The following IQGAP2 variants were observed in gnomAD, a reference collection of about 807,000 sequenced individuals.
The protein encoded by IQGAP2 is ras GTPase-activating-like protein IQGAP2.
IQGAP2 carries 173 observed loss-of-function variants against 201.3 expected under a neutral mutation model. The ratio of observed to expected loss-of-function variants is 0.86; its 90% CI spans 0.76 to 0.98. IQGAP2 has a LOEUF of 0.98. Ranked by LOEUF, IQGAP2 falls within the 50% of genes least tolerant of loss-of-function variation. The pLI is 0.00. For synonymous variants in IQGAP2, 675 were observed against 673.9 expected (o/e 1.00, Z -0.03); for missense variants, 1,687 against 1,864.8 (o/e 0.90, Z 1.76).
chr5:76,610,945 C>G, intron 12 of IQGAP2, 75 bp from the exon 13 acceptor site: 4 of 1,269,428 alleles, frequency 3.2e-6, no homozygotes, highest in Non-Finnish European at 4.4e-6. Context: ...GTTAATTAGC[C>G]TTTTGCAATC....
At chr5:76,667,877 CTTTTTTTTTTT>C (rs540744402) in intron 22 of IQGAP2, among the ~76,000 whole-genome samples, 9 of 123,416 alleles carry the variant, frequency 7.3e-5, no homozygotes, top group Non-Finnish European at 1.2e-4. Context: ...AGTCCACTTT[CTTTTTTTTTTT>C]TTTTTTTTTT....
chr5:76,527,430 C>A (rs1469393441), intron 2 of IQGAP2, among the ~76,000 whole-genome samples: 3 of 152,124 alleles, frequency 2.0e-5, no homozygotes, highest in African/African-American at 7.2e-5. Flanking sequence ...CTCAGTGCCC[C>A]CCATAGACCT....
intron 20 of IQGAP2, among the ~76,000 whole-genome samples, chr5:76,657,770 C>G (rs541300819): frequency 2.0e-5 from 3 of 152,276 alleles, no homozygotes; most frequent in South Asian, 2.1e-4. Flanking sequence ...GGGGAAAACC[C>G]TTTTAGAATT....
intron 2 of IQGAP2, among the ~76,000 whole-genome samples, chr5:76,501,705 C>T (rs999862918): frequency 4.6e-5 from 6 of 130,436 alleles, no homozygotes; most frequent in South Asian, 5.1e-4. Flanking sequence ...TGTAATGGCA[C>T]GATCTCGGCT....
At position 76,686,340 on chromosome 5, in the gene IQGAP2, TTTG is replaced by T. The variant is rs900661142; in HGVS notation, c.3905+2450_3905+2452del. Among the ~76,000 whole-genome samples the T allele has an allele frequency of 2.9e-3, 404 of 140,080 alleles. 2 individuals carry two copies. The highest frequency in any genetic ancestry group is 0.01 in the African/African-American group (366 of 35,260). The allele number at this position is 140,080 out of a possible 152,430, so 91.9% of individuals were successfully genotyped here. On this transcript the variant is annotated intron_variant, in intron 30 of 35. Transcript: ENST00000274364. Reference sequence around the variant, plus strand: ...GATGAAGTCCAGTTTATCTGTTTTTTTTGTTGTTGTTGTTGTTGTTGTTGTTGT... The same window carrying T: ...GATGAAGTCCAGTTTATCTGTTTTTTTTGTTGTTGTTGTTGTTGTTGTTGT...
At chr5:76,483,671 C>G (rs762874324) in intron 2 of IQGAP2, among the ~76,000 whole-genome samples, 2 of 152,206 alleles carry the variant, frequency 1.3e-5, no homozygotes, top group African/African-American at 2.4e-5. Context: ...CGGCACCTCT[C>G]CTGAAATAAA....
chr5:76,424,259 A>T (rs926591564), intron 1 of IQGAP2, among the ~76,000 whole-genome samples: 2 of 151,878 alleles, frequency 1.3e-5, no homozygotes, highest in Non-Finnish European at 2.9e-5. Flanking sequence ...CAATTTTAAG[A>T]TTTCTTTTAT....
chr5:76,640,860 A>T (rs1751516023), intron 16 of IQGAP2, 73 bp from the exon 17 acceptor site: 2 of 1,107,614 alleles, frequency 1.8e-6, no homozygotes, highest in Admixed American at 2.5e-5. Context: ...AAAAGATAAA[A>T]TATCAGAAGC....
At chr5:76,592,799 T>C in intron 8 of IQGAP2, 39 bp from the exon 9 acceptor site, 1 of 1,294,240 alleles carries the variant, frequency 7.7e-7, no homozygotes, top group Admixed American at 1.9e-5. Flanking sequence ...GGAAATATTT[T>C]ATTTAACCTC....
chr5:76,512,875 C>CA (rs1182870035), intron 2 of IQGAP2, among the ~76,000 whole-genome samples: 10 of 152,000 alleles, frequency 6.6e-5, no homozygotes, highest in African/African-American at 2.2e-4. Context: ...GCCAACATGG[C>CA]AAAACCCCAT....
chr5:76,436,764 G>A (rs548579511), intron 1 of IQGAP2, among the ~76,000 whole-genome samples: 5 of 150,958 alleles, frequency 3.3e-5, no homozygotes, highest in South Asian at 2.1e-4. Flanking sequence ...TTTTGGCCTC[G>A]TGATCCACCT....
At chr5:76,601,636 A>AG (rs1294061684) in intron 11 of IQGAP2, among the ~76,000 whole-genome samples, 1 of 152,214 alleles carries the variant, frequency 6.6e-6, no homozygotes, top group East Asian at 1.9e-4. Context: ...AAATGAGTGA[A>AG]TCTTGGATTC....
intron 28 of IQGAP2, among the ~76,000 whole-genome samples, chr5:76,679,772 T>C (rs1745124842): frequency 6.6e-6 from 1 of 152,200 alleles, no homozygotes; most frequent in Non-Finnish European, 1.5e-5. Context: ...TTTTGCCCGG[T>C]CTTTGTATCA....
intron 1 of IQGAP2, among the ~76,000 whole-genome samples, chr5:76,459,391 A>G (rs1281712488): frequency 6.6e-6 from 1 of 152,152 alleles, no homozygotes; most frequent in African/African-American, 2.4e-5. Flanking sequence ...CAAGTTGGGG[A>G]TGGTGTGACA....
intron 5 of IQGAP2, among the ~76,000 whole-genome samples, chr5:76,582,324 A>C (rs918771922): frequency 6.6e-6 from 1 of 152,246 alleles, no homozygotes; most frequent in Non-Finnish European, 1.5e-5. Context: ...TTTTAAATGA[A>C]GAATCATGGA....
At chr5:76,680,633 A>T (rs544910121) in intron 28 of IQGAP2, among the ~76,000 whole-genome samples, 1 of 149,144 alleles carries the variant, frequency 6.7e-6, no homozygotes, top group African/African-American at 2.5e-5. Flanking sequence ...ACAAAATAGG[A>T]AAAAAAAATT....
intron 30 of IQGAP2, among the ~76,000 whole-genome samples, chr5:76,685,378 A>C (rs1745646278): frequency 6.6e-6 from 1 of 152,214 alleles, no homozygotes; most frequent in East Asian, 1.9e-4. Flanking sequence ...TAATGGGAAG[A>C]AATTTTTTCT....
chr5:76,629,459 G>A (rs1750523417), intron 14 of IQGAP2, among the ~76,000 whole-genome samples: 1 of 152,164 alleles, frequency 6.6e-6, no homozygotes, highest in Non-Finnish European at 1.5e-5. Flanking sequence ...TTTTGGCCTA[G>A]TGTTCACATT....
chr5:76,589,042 G>A, intron 6 of IQGAP2, 69 bp downstream of exon 6: 3 of 1,066,966 alleles, frequency 2.8e-6, no homozygotes, highest in South Asian at 1.3e-5. Flanking sequence ...GGCCGGGCGT[G>A]GTGGCTCATG....
Sources: gnomAD v4.1 joint callset for allele counts (sites outside exome capture counted in the v4.1 genomes callset) on GRCh38, gnomAD v4.1.1 for gene constraint, MANE v1.5 for transcripts, NCBI Gene and HGNC (gene_info 2026-07-23, HGNC 2026-07-21) for gene names.